Variants in DCC observed in about 807,000 individuals in gnomAD.
DCC encodes DCC netrin 1 receptor, also known as netrin receptor DCC.
Under a neutral mutation model 172.5 loss-of-function variants are expected in DCC, and 58 were observed. The observed-to-expected ratio is 0.34, with a 90% CI of 0.27 to 0.42. The LOEUF (loss-of-function observed/expected upper bound fraction) is 0.42. DCC is among the 10% of genes least tolerant of loss of function. The pLI, the probability that DCC is intolerant of heterozygous loss-of-function variation, is 1.00. For missense variants in DCC, 1,740 were observed against 1,791.0 expected (o/e 0.97, Z 0.51); for synonymous variants, 709 against 644.5 (o/e 1.10, Z -1.52).
chr18:52,552,921 A>G (rs1307360146), intron 1 of DCC, among the ~76,000 whole-genome samples: 1 of 152,126 alleles, frequency 6.6e-6, no homozygotes, highest in Non-Finnish European at 1.5e-5. Flanking sequence ...TATTTTAAAC[A>G]TAATGTCTAT....
intron 19 of DCC, among the ~76,000 whole-genome samples, chr18:53,403,861 G>C (rs1909476031): frequency 6.6e-6 from 1 of 152,200 alleles, no homozygotes; most frequent in Admixed American, 6.5e-5. Context: ...AAAATGAAAA[G>C]ATAACGTGAA....
chr18:52,467,709 GT>G (rs1178844605), intron 1 of DCC, among the ~76,000 whole-genome samples: 1 of 152,112 alleles, frequency 6.6e-6, no homozygotes, highest in African/African-American at 2.4e-5. Flanking sequence ...TCCAGCATCT[GT>G]TGTTTACTAA....
chr18:53,058,732 C>A (rs775020645), intron 5 of DCC, among the ~76,000 whole-genome samples: 42 of 152,038 alleles, frequency 2.8e-4, no homozygotes, highest in Non-Finnish European at 3.8e-4. Context: ...CTGATAGAGC[C>A]ACTTCCACTG....
chr18:52,820,619 C>A (rs1324190173), intron 2 of DCC, among the ~76,000 whole-genome samples: 1 of 151,982 alleles, frequency 6.6e-6, no homozygotes, highest in Non-Finnish European at 1.5e-5. Flanking sequence ...TATGATGCAT[C>A]CAACAAGGGG....
intron 1 of DCC, among the ~76,000 whole-genome samples, chr18:52,466,251 G>A (rs958029072): frequency 3.3e-5 from 5 of 152,128 alleles, no homozygotes; most frequent in Admixed American, 6.6e-5. Context: ...GCGGCAGGGG[G>A]CCACGAAGAC....
chr18:53,013,962 C>G (rs1208702753), intron 5 of DCC, among the ~76,000 whole-genome samples: 1 of 152,128 alleles, frequency 6.6e-6, no homozygotes, highest in Non-Finnish European at 1.5e-5. Flanking sequence ...GAAGACTGTA[C>G]CATTACATGG....
intron 12 of DCC, among the ~76,000 whole-genome samples, chr18:53,252,568 A>C (rs1420542149): frequency 6.6e-6 from 1 of 151,998 alleles, no homozygotes; most frequent in African/African-American, 2.4e-5. Context: ...TTCCATGAGA[A>C]ATAATGAAAT....
At chr18:53,447,987 TAGA>T (rs895378305) in intron 22 of DCC, among the ~76,000 whole-genome samples, 1 of 151,740 alleles carries the variant, frequency 6.6e-6, no homozygotes, top group African/African-American at 2.4e-5. Context: ...CAACTTATAG[TAGA>T]AGTACTTCTG....
chr18:53,045,243 C>T (rs938752292), intron 5 of DCC, among the ~76,000 whole-genome samples: 19 of 151,934 alleles, frequency 1.3e-4, no homozygotes, highest in Middle Eastern at 3.4e-3. Flanking sequence ...AACATTTCCT[C>T]AAGCTTTTCT....
In DCC at chr18:53,109,854, A is replaced by G. The variant is rs557407894; in HGVS notation, c.1261+43688A>G. Among the ~76,000 whole-genome samples the G allele has an allele frequency of 2.5e-4, 38 of 151,774 alleles. No homozygotes were observed. In the East Asian group the frequency reaches 4.5e-3, roughly 18 times the overall value. ...TCTGAGTTTTCTGGTCTACCATTACAGGAAGCAGAATTCTTGTTTTATTTG... is the reference window on the plus strand; with the variant it reads ...TCTGAGTTTTCTGGTCTACCATTACGGGAAGCAGAATTCTTGTTTTATTTG... On this transcript the variant is annotated intron_variant, in intron 7 of 28. Coordinates refer to ENST00000442544, the MANE Select transcript of DCC (RefSeq NM_005215.4).
At chr18:53,294,989 TA>T (rs1337058756) in intron 12 of DCC, among the ~76,000 whole-genome samples, 3 of 152,214 alleles carry the variant, frequency 2.0e-5, no homozygotes, top group East Asian at 1.9e-4. Context: ...GCTTAGCCTT[TA>T]TTTTTTTTAA....
intron 7 of DCC, among the ~76,000 whole-genome samples, chr18:53,126,858 C>A (rs2043564573): frequency 6.6e-6 from 1 of 152,110 alleles, no homozygotes; most frequent in South Asian, 2.1e-4. Context: ...TCGAAACTCA[C>A]AAATGAGAGC....
chr18:52,792,776 T>G (rs902058316), intron 2 of DCC, among the ~76,000 whole-genome samples: 4 of 150,608 alleles, frequency 2.7e-5, no homozygotes, highest in Non-Finnish European at 4.4e-5. Context: ...TTCTATTCCA[T>G]TCCATTCCAT....
chr18:52,377,865 A>C (rs550908010), intron 1 of DCC, among the ~76,000 whole-genome samples: 1 of 151,810 alleles, frequency 6.6e-6, no homozygotes, highest in South Asian at 2.1e-4. Context: ...CACCGCCACT[A>C]ATTTTTGTAT....
chr18:52,879,195 T>C (rs1350049671), intron 2 of DCC, among the ~76,000 whole-genome samples: 1 of 152,094 alleles, frequency 6.6e-6, no homozygotes, highest in Non-Finnish European at 1.5e-5. Flanking sequence ...TCATAAACCT[T>C]TGCTTCTTTT....
chr18:52,566,373 TGGGAGGCTAGGGGA>T (rs2033161142), intron 1 of DCC, among the ~76,000 whole-genome samples: 1 of 151,952 alleles, frequency 6.6e-6, no homozygotes, highest in Non-Finnish European at 1.5e-5. Flanking sequence ...TATCAGGGGT[TGGGAGGCTAGGGGA>T]GGGATAGCAT....
intron 1 of DCC, among the ~76,000 whole-genome samples, chr18:52,533,513 A>C (rs2032207826): frequency 6.6e-6 from 1 of 152,028 alleles, no homozygotes; most frequent in Non-Finnish European, 1.5e-5. Flanking sequence ...TATGGGATTG[A>C]CTTTTTTTTG....
chr18:52,715,221 AAT>A (rs1331927902), intron 1 of DCC, among the ~76,000 whole-genome samples: 4 of 150,782 alleles, frequency 2.7e-5, no homozygotes, highest in East Asian at 1.9e-4. Context: ...GTATATATAA[AAT>A]ATATATATAT....
At chr18:52,639,523 A>G (rs550892601) in intron 1 of DCC, among the ~76,000 whole-genome samples, 3 of 152,304 alleles carry the variant, frequency 2.0e-5, no homozygotes, top group African/African-American at 7.2e-5. Context: ...CAAGGCTACT[A>G]TGAACACCTT....
Sources: gnomAD v4.1 joint callset for allele counts (sites outside exome capture counted in the v4.1 genomes callset) on GRCh38, gnomAD v4.1.1 for gene constraint, MANE v1.5 for transcripts, NCBI Gene and HGNC (gene_info 2026-07-23, HGNC 2026-07-21) for gene names.